The following LMO7 variants were observed in gnomAD, a reference collection of about 807,000 sequenced individuals.
LMO7 encodes the protein LIM domain only protein 7.
Under a neutral mutation model 206.5 loss-of-function variants are expected in LMO7, and 120 were observed. The observed-to-expected ratio is 0.58, with a 90% CI of 0.50 to 0.68. The LOEUF is 0.68. Among genes scored for constraint, LMO7 ranks in the 30% least tolerant of loss-of-function variants. LMO7 has a pLI of 0.00. For synonymous variants in LMO7, 706 were observed against 681.5 expected (o/e 1.04, Z -0.56); for missense variants, 1,959 against 1,957.9 (o/e 1.00, Z -0.01).
At chr13:75,804,814 G>A (rs1244540494) in intron 8 of LMO7, 5 of 1,134,958 alleles carry the variant, frequency 4.4e-6, no homozygotes, top group Non-Finnish European at 4.4e-6. Context: ...AATTTGTATT[G>A]TTCATGATGA....
At chr13:75,839,788 A>C in intron 20 of LMO7, 1 of 270,948 alleles carries the variant, frequency 3.7e-6, no homozygotes, top group Non-Finnish European at 6.8e-6. Flanking sequence ...TTATTAATAA[A>C]AGAACCCTGA....
intron 2 of LMO7, among the ~76,000 whole-genome samples, chr13:75,723,247 C>A (rs1028622177): frequency 6.6e-6 from 1 of 151,838 alleles, no homozygotes; most frequent in South Asian, 2.1e-4. Flanking sequence ...AAATATAATG[C>A]CTTTATTATA....
At chr13:75,726,635 ACAAT>A (rs746490221) in intron 2 of LMO7, among the ~76,000 whole-genome samples, 3 of 152,138 alleles carry the variant, frequency 2.0e-5, no homozygotes, top group Non-Finnish European at 2.9e-5. Context: ...TTTGAGAAAA[ACAAT>A]CAATGAAAAC....
intron 3 of LMO7, among the ~76,000 whole-genome samples, chr13:75,750,507 A>T (rs1032983478): frequency 1.3e-5 from 2 of 150,636 alleles, no homozygotes; most frequent in Admixed American, 6.7e-5. Context: ...CTCCCACTTC[A>T]GCCTCCCAAG....
intron 6 of LMO7, among the ~76,000 whole-genome samples, chr13:75,798,352 A>AAAAC (rs574545172): frequency 2.2e-3 from 336 of 152,340 alleles, no homozygotes; most frequent in Non-Finnish European, 4.1e-3. Flanking sequence ...CTCCGTCTCA[A>AAAAC]AAACAAACAA....
chr13:75,680,105 G>A (rs1019427683), intron 1 of LMO7, among the ~76,000 whole-genome samples: 3 of 152,116 alleles, frequency 2.0e-5, no homozygotes, highest in African/African-American at 7.2e-5. Context: ...GTGTCCATGT[G>A]TTCTCATTGT....
intron 1 of LMO7, among the ~76,000 whole-genome samples, chr13:75,649,184 A>G (rs748636784): frequency 1.2e-4 from 18 of 152,180 alleles, no homozygotes; most frequent in African/African-American, 4.3e-4. Flanking sequence ...CAAATACTGG[A>G]TATCGATTTT....
In LMO7 at chr13:75,841,661, C is replaced by G; in HGVS notation, c.3709C>G (p.Leu1237Val). 6.2e-7 allele frequency: 1 copy of G among 1,614,004 alleles called. No individual in the cohort carries two copies. The highest frequency in any genetic ancestry group is 8.5e-7 in the Non-Finnish European group (1 of 1,179,912). ...GGTCCTAAGCTCAAACAGCATGTCT[C>G]TGACCACACGGGAGCCCTCTCTTGC... ...LMVLSSNSMS[L>V]TTREPSLATW... Residue 1237 changes from leucine to valine, a missense_variant, in exon 24 of 31, where the codon CTG becomes GTG. Transcript: ENST00000377534.
chr13:75,629,094 T>A (rs2034582067), intron 2 of LMO7, among the ~76,000 whole-genome samples: 1 of 152,228 alleles, frequency 6.6e-6, no homozygotes, highest in African/African-American at 2.4e-5. Flanking sequence ...GGGATCCTGC[T>A]AAACATCCTA....
At chr13:75,636,811 C>G in intron 1 of LMO7, 85 bp downstream of exon 1, 5 of 1,350,550 alleles carry the variant, frequency 3.7e-6, no homozygotes, top group Non-Finnish European at 5.2e-6. Context: ...CCCAGTCACT[C>G]TGCACTTTAG....
chr13:75,727,933 T>A (rs1369744790), intron 3 of LMO7, among the ~76,000 whole-genome samples: 4 of 152,126 alleles, frequency 2.6e-5, no homozygotes, highest in Non-Finnish European at 5.9e-5. Flanking sequence ...GTTTCATCCA[T>A]GTCCCTACAA....
Position 75,760,980 on chromosome 13 carries a change from G to A in LMO7, c.259G>A (p.Glu87Lys), listed in dbSNP as rs2048152013. 1.2e-6 allele frequency: 2 copies of A among 1,613,342 alleles called. No homozygotes were observed. Among genetic ancestry groups the A allele is most frequent in the Non-Finnish European group, 1.7e-6 (2 of 1,179,680 alleles). The stretch of plus-strand genomic sequence containing the variant: ...AGCTTGTGAACAGATTGGATTGAAA[G>A]AAGCCCAGCTTTTCCATCCTGGAGA... ...LKACEQIGLK[E>K]AQLFHPGDLQ... The change falls in exon 4 of 31, where the codon GAA becomes AAA. Residue 87 changes from glutamate to lysine, a missense_variant. Transcript: ENST00000377534.
chr13:75,841,921 G>A lies in LMO7; in HGVS notation c.3969G>A (p.Glu1323=), dbSNP rs1162637634. 1 of 1,613,456 alleles carries A rather than the reference G, an allele frequency of 6.2e-7. No individual in the cohort carries two copies. Among genetic ancestry groups the A allele is most frequent in the Non-Finnish European group, 8.5e-7 (1 of 1,179,898 alleles). The change falls in exon 24 of 31, where the codon GAG becomes GAA. Residue 1323 remains glutamate (E), a synonymous_variant. Coordinates refer to ENST00000377534, the MANE Select transcript of LMO7 (RefSeq NM_001306080.2). The part of the protein sequence containing the change: ...AEAEEQKRPA[E]EQKRQAEIER... ...CTGAGGAGCAGAAGCGTCCTGCGGA[G>A]GAGCAGAAGCGCCAGGCAGAGATAG...
rs570973330 is a variant in LMO7, at chr13:75,794,490, T to C, written c.318-911T>C. On this transcript the variant is annotated intron_variant, in intron 4 of 30. Transcript: ENST00000377534. ...CTTTTTCTCTGTATATATGAATATA[T>C]ATGTGTTTTATGTTGATGTCTTCTA... Among the ~76,000 whole-genome samples the C allele has an allele frequency of 3.3e-5, 5 of 152,338 alleles. No individual in the cohort carries two copies. In the East Asian group the frequency reaches 9.6e-4, roughly 29 times the overall value.
At position 75,790,658 on chromosome 13, in the gene LMO7, C is replaced by T. The variant is rs554860948; in HGVS notation, c.318-4743C>T. On this transcript the variant is annotated intron_variant, in intron 4 of 30. Coordinates refer to ENST00000377534, the MANE Select transcript of LMO7 (RefSeq NM_001306080.2). ...GGATCAGACCTAGAGCTTCCTGGTT[C>T]TAAGTTAACATAGTAGCAGTTAGGA... Among the ~76,000 whole-genome samples the T allele has an allele frequency of 7.2e-5, 11 of 152,250 alleles. No homozygotes were observed. The East Asian group carries it at 2.1e-3, about 29-fold the overall frequency.
At chr13:75,740,935 T>C (rs1366200450) in intron 3 of LMO7, among the ~76,000 whole-genome samples, 3 of 152,256 alleles carry the variant, frequency 2.0e-5, no homozygotes, top group African/African-American at 7.2e-5. Context: ...ATTATCATGG[T>C]CTTTAACTTT....
intron 1 of LMO7, among the ~76,000 whole-genome samples, chr13:75,693,325 G>T (rs1392923034): frequency 6.6e-6 from 1 of 152,158 alleles, no homozygotes; most frequent in Non-Finnish European, 1.5e-5. Flanking sequence ...GTCTTTTTGT[G>T]TAGCACTGAC....
chr13:75,758,340 C>G (rs768132113), intron 3 of LMO7, among the ~76,000 whole-genome samples: 1 of 152,074 alleles, frequency 6.6e-6, no homozygotes, highest in Non-Finnish European at 1.5e-5. Flanking sequence ...TTAGGGACCT[C>G]TTTGCCTGCA....
upstream of LMO7, among the ~76,000 whole-genome samples, chr13:75,633,215 T>C (rs1231054201): frequency 6.6e-6 from 1 of 152,146 alleles, no homozygotes; most frequent in Non-Finnish European, 1.5e-5. Context: ...TTCCATTTTC[T>C]TTCATCATTC....
Sources: gnomAD v4.1 joint callset for allele counts (sites outside exome capture counted in the v4.1 genomes callset) on GRCh38, gnomAD v4.1.1 for gene constraint, MANE v1.5 for transcripts, NCBI Gene and HGNC (gene_info 2026-07-23, HGNC 2026-07-21) for gene names.